The following ERBB4 variants were observed in gnomAD, a reference collection of about 807,000 sequenced individuals.
The protein encoded by ERBB4 is erb-b2 receptor tyrosine kinase 4.
In ERBB4, 42 loss-of-function variants were observed where a neutral mutation model predicts 158.0. The observed-to-expected ratio is 0.27, with a 90% CI of 0.21 to 0.34. The LOEUF is 0.34. Among genes scored for constraint, ERBB4 ranks in the 10% least tolerant of loss-of-function variants. The pLI, the probability that ERBB4 is intolerant of heterozygous loss-of-function variation, is 1.00. For synonymous variants in ERBB4, 583 were observed against 558.7 expected (o/e 1.04, Z -0.61); for missense variants, 1,333 against 1,624.1 (o/e 0.82, Z 3.08).
intron 3 of ERBB4, among the ~76,000 whole-genome samples, chr2:211,790,148 T>A (rs1223179941): frequency 6.6e-6 from 1 of 152,038 alleles, no homozygotes; most frequent in East Asian, 1.9e-4. Context: ...TGGCATTAAG[T>A]TTTTATCTAC....
At chr2:211,718,222 A>G (rs1055927291) in intron 7 of ERBB4, among the ~76,000 whole-genome samples, 1 of 152,124 alleles carries the variant, frequency 6.6e-6, no homozygotes, top group Admixed American at 6.6e-5. Context: ...AGAAGATATA[A>G]TTTTTATAAC....
chr2:211,764,806 C>G (rs2075510046), intron 4 of ERBB4, among the ~76,000 whole-genome samples: 1 of 152,122 alleles, frequency 6.6e-6, no homozygotes, highest in African/African-American at 2.4e-5. Flanking sequence ...TGTGTCACAA[C>G]AAGGTCTGAT....
chr2:211,773,932 G>T (rs890227874), intron 4 of ERBB4, among the ~76,000 whole-genome samples: 1 of 151,678 alleles, frequency 6.6e-6, no homozygotes, highest in Non-Finnish European at 1.5e-5. Context: ...CCCTATTGTC[G>T]ATATGGACTC....
rs745465497 is a variant in ERBB4 at position 211,630,524 on chromosome 2, C to T, written c.2017G>A (p.Val673Ile). The T allele has an allele frequency of 5.6e-6, 9 of 1,613,224 alleles. No individual in the cohort carries two copies. Among genetic ancestry groups the T allele is most frequent in the Non-Finnish European group, 7.6e-6 (9 of 1,179,658 alleles). Residue 673 changes from valine to isoleucine, a missense_variant, in exon 17 of 28, where the codon GTT becomes ATT. Val to Ile is a conservative substitution (Grantham distance 29). Transcript: ENST00000342788. The stretch of plus-strand genomic sequence containing the variant: ...TTGATGCTCTTCCTTCTAACATAAA[C>T]AGCAAATGTCAGACCCACAATGACC... ...ILVIVGLTFA[V>I]YVRRKSIKKK...
At chr2:212,433,202 A>T (rs528235436) in intron 1 of ERBB4, among the ~76,000 whole-genome samples, 1 of 152,068 alleles carries the variant, frequency 6.6e-6, no homozygotes, top group South Asian at 2.1e-4. Context: ...TCATAGGATA[A>T]TTAATATTTT....
At chr2:212,029,934 A>T (rs1212297682) in intron 2 of ERBB4, among the ~76,000 whole-genome samples, 2 of 152,124 alleles carry the variant, frequency 1.3e-5, no homozygotes. Context: ...CTTAATCTGT[A>T]CTTTTCTGCC....
intron 2 of ERBB4, among the ~76,000 whole-genome samples, chr2:212,106,995 C>T (rs889558781): frequency 6.6e-6 from 1 of 152,234 alleles, no homozygotes; most frequent in African/African-American, 2.4e-5. Flanking sequence ...GCTGCAGAGG[C>T]AGGGTGCTCA....
rs565952817 is a variant in ERBB4 at position 211,409,918 on chromosome 2, G to A, written c.3135+10523C>T. On this transcript the variant is annotated intron_variant, in intron 25 of 27. Coordinates refer to ENST00000342788, the MANE Select transcript of ERBB4 (RefSeq NM_005235.3). The stretch of plus-strand genomic sequence containing the variant: ...AGGTCCCTTGCAACTCTGACACTCC[G>A]CGAGTACATAGTTACTTATGCATCC... 3.7e-4 allele frequency among the ~76,000 whole-genome samples: 57 copies of A among 152,214 alleles called. 1 individual carries two copies. Among genetic ancestry groups the A allele is most frequent in the African/African-American group, 1.1e-3 (47 of 41,522 alleles).
At chr2:212,251,077 A>G (rs2084515181) in intron 1 of ERBB4, among the ~76,000 whole-genome samples, 1 of 151,970 alleles carries the variant, frequency 6.6e-6, no homozygotes, top group South Asian at 2.1e-4. Flanking sequence ...TGGGTACAAA[A>G]TTATTTCAAA....
intron 14 of ERBB4, among the ~76,000 whole-genome samples, chr2:211,666,817 A>G (rs1215783315): frequency 2.0e-5 from 3 of 152,220 alleles, no homozygotes; most frequent in Non-Finnish European, 4.4e-5. Context: ...CAATCATTAT[A>G]GTTCACATGG....
intron 2 of ERBB4, among the ~76,000 whole-genome samples, chr2:211,978,034 TATA>T (rs2081667412): frequency 6.6e-6 from 1 of 150,698 alleles, no homozygotes; most frequent in South Asian, 2.1e-4. Context: ...ATCCTAGATG[TATA>T]ATAATTCTCT....
chr2:211,768,447 C>A lies in ERBB4; in HGVS notation c.557-17743G>T, dbSNP rs140414479. On this transcript the variant is annotated intron_variant, in intron 4 of 27. Transcript: ENST00000342788. ...GTGTGGGGGCTACAACCCCACTTTG[C>A]CCTTCCGTACTGCCCTAGCAGAGGT... 4.3e-3 allele frequency among the ~76,000 whole-genome samples: 649 copies of A among 152,316 alleles called. 6 individuals carry two copies. Among genetic ancestry groups the A allele is most frequent in the African/African-American group, 0.015 (613 of 41,576 alleles).
intron 3 of ERBB4, among the ~76,000 whole-genome samples, chr2:211,909,539 A>G (rs1221297206): frequency 6.6e-6 from 1 of 151,800 alleles, no homozygotes; most frequent in Non-Finnish European, 1.5e-5. Context: ...TACTATAAAC[A>G]ATTATAAAGA....
At chr2:211,990,192 G>A (rs963040517) in intron 2 of ERBB4, among the ~76,000 whole-genome samples, 1 of 151,968 alleles carries the variant, frequency 6.6e-6, no homozygotes, top group African/African-American at 2.4e-5. Context: ...CTGAGGAAAT[G>A]TGAAAGTGGA....
At chr2:211,472,711 T>C (rs2064857620) in intron 20 of ERBB4, among the ~76,000 whole-genome samples, 1 of 151,964 alleles carries the variant, frequency 6.6e-6, no homozygotes, top group African/African-American at 2.4e-5. Context: ...TCCTCCTGTA[T>C]GTACTCCATG....
intron 1 of ERBB4, among the ~76,000 whole-genome samples, chr2:212,128,184 G>C (rs16847752): frequency 3.3e-5 from 5 of 152,112 alleles, no homozygotes; most frequent in Non-Finnish European, 7.4e-5. Flanking sequence ...ACGGATGGAT[G>C]CTATGGTAAA....
chr2:212,006,808 AAAG>A (rs1443574921), intron 2 of ERBB4, among the ~76,000 whole-genome samples: 2 of 152,056 alleles, frequency 1.3e-5, no homozygotes, highest in Non-Finnish European at 2.9e-5. Flanking sequence ...AAAAAAGAAA[AAAG>A]AATTCCATTG....
intron 1 of ERBB4, among the ~76,000 whole-genome samples, chr2:212,406,902 G>T (rs971628230): frequency 6.6e-6 from 1 of 151,948 alleles, no homozygotes; most frequent in African/African-American, 2.4e-5. Context: ...TTAGGTCTCT[G>T]AACATGCCAT....
chr2:211,707,867 G>A (rs2073508533), intron 9 of ERBB4, among the ~76,000 whole-genome samples: 1 of 151,938 alleles, frequency 6.6e-6, no homozygotes, highest in African/African-American at 2.4e-5. Flanking sequence ...ATTTTGTGGA[G>A]AAACTTGTTT....
Sources: gnomAD v4.1 joint callset for allele counts (sites outside exome capture counted in the v4.1 genomes callset) on GRCh38, gnomAD v4.1.1 for gene constraint, MANE v1.5 for transcripts, NCBI Gene and HGNC (gene_info 2026-07-23, HGNC 2026-07-21) for gene names.